The following RAD21 variants were observed in gnomAD, a reference collection of about 807,000 sequenced individuals.
The protein encoded by RAD21 is double-strand-break repair protein rad21 homolog.
RAD21 carries 18 observed loss-of-function variants against 71.5 expected under a neutral mutation model. The observed-to-expected ratio is 0.25, with a 90% confidence interval of 0.17 to 0.37. The LOEUF (loss-of-function observed/expected upper bound fraction) is 0.37, where lower values mean the gene tolerates loss of function less well. RAD21 is among the 10% of genes least tolerant of loss of function. RAD21 has a pLI of 1.00. For synonymous variants in RAD21, 248 were observed against 254.0 expected, an observed-to-expected ratio of 0.98 and a Z score of 0.22; for missense variants, 493 against 769.1, an observed-to-expected ratio of 0.64 and a Z score of 4.25.
At chr8:116,858,042 A>T (rs569070684) in intron 5 of RAD21, among the ~76,000 whole-genome samples, 1 of 152,228 alleles carries the variant, frequency 6.6e-6, no homozygotes, top group Non-Finnish European at 1.5e-5. Context: ...AATAGCAAGT[A>T]TAACAGGGAA....
intron 12 of RAD21, 58 bp from the exon 13 acceptor site, chr8:116,849,087 T>C: frequency 7.8e-7 from 1 of 1,275,624 alleles, no homozygotes; most frequent in Non-Finnish European, 1.1e-6. Context: ...AAATGAAGTA[T>C]TTCTACATCT....
intron 2 of RAD21, among the ~76,000 whole-genome samples, chr8:116,865,325 T>C (rs1210044802): frequency 6.6e-6 from 1 of 152,178 alleles, no homozygotes; most frequent in Admixed American, 6.6e-5. Context: ...GTTATCCTTT[T>C]AAGCCACTCA....
At position 116,846,648 on chromosome 8, in the gene RAD21, G is replaced by A. The variant is rs1000844413; in HGVS notation, c.*852C>T. 1.3e-5 allele frequency: 3 copies of A among 225,668 alleles called. No individual in the cohort carries two copies. Among genetic ancestry groups the A allele is most frequent in the African/African-American group, 4.5e-5 (2 of 44,900 alleles). 14.0% of individuals were successfully genotyped at this position (225,668 alleles called of 1,614,324 possible). ...CATAATTTCCCATCAGTCTGTCCTT[G>A]TAGTAGGCAGGGCAATTTCTGTTTT... is the stretch of plus-strand genomic sequence containing the variant. On this transcript the variant is annotated 3_prime_UTR_variant, in exon 14 of 14. Coordinates refer to ENST00000297338, the MANE Select transcript of RAD21 (RefSeq NM_006265.3).
Position 116,845,982 on chromosome 8 carries a change from A to G in RAD21, c.*1518T>C, listed in dbSNP as rs1812245439. 1 of 229,054 alleles carries G rather than the reference A, an allele frequency of 4.4e-6. No individual in the cohort carries two copies. The highest frequency in any genetic ancestry group is 8.7e-6 in the Non-Finnish European group (1 of 115,280). 14.2% of individuals were successfully genotyped at this position (229,054 alleles called of 1,614,324 possible). On this transcript the variant is annotated 3_prime_UTR_variant, in exon 14 of 14. Transcript: ENST00000297338. Reference sequence around the variant, plus strand: ...TTAGAAAAGTTATACATAACATAGCATCAACTATTTTCAAGAACAATATTA... The same window carrying G: ...TTAGAAAAGTTATACATAACATAGCGTCAACTATTTTCAAGAACAATATTA...
chr8:116,859,062 A>G (rs533735048), intron 4 of RAD21, among the ~76,000 whole-genome samples: 6 of 148,166 alleles, frequency 4.0e-5, no homozygotes, highest in East Asian at 2.1e-4. Flanking sequence ...AACCAGATGC[A>G]GTTTGTAGAC....
intron 10 of RAD21, 101 bp from the exon 11 acceptor site, chr8:116,852,197 G>T: frequency 9.0e-7 from 1 of 1,107,924 alleles, no homozygotes; most frequent in Non-Finnish European, 1.2e-6. Flanking sequence ...CATACATAAT[G>T]CTTTCTTTAA....
intron 9 of RAD21, among the ~76,000 whole-genome samples, chr8:116,853,239 C>T (rs1008720382): frequency 3.9e-5 from 6 of 151,998 alleles, no homozygotes; most frequent in Non-Finnish European, 8.8e-5. Flanking sequence ...CCACCACACA[C>T]GGCTAATTTT....
chr8:116,857,483 TTTTAA>T lies in RAD21; in HGVS notation c.482-15_482-11del, dbSNP rs750504354. 1.9e-5 allele frequency: 30 copies of T among 1,606,712 alleles called. No individual in the cohort carries two copies. The highest frequency in any genetic ancestry group is 1.5e-4 in the South Asian group (14 of 90,690). On this transcript the variant is annotated splice_polypyrimidine_tract_variant and intron_variant, in intron 5 of 13. Coordinates refer to ENST00000297338, the MANE Select transcript of RAD21 (RefSeq NM_006265.3). ...TCCATTCCAAAATCACCTAAACAAA[TTTTAA>T]TTTGTCATTAGTTTAGAAAGATTAG...
chr8:116,858,968 T>C (rs1048643484), intron 4 of RAD21, among the ~76,000 whole-genome samples: 2 of 151,822 alleles, frequency 1.3e-5, no homozygotes, highest in Non-Finnish European at 2.9e-5. Flanking sequence ...TGACCAAGTC[T>C]GTACAAAAAA....
At chr8:116,872,007 C>G (rs762028204) in intron 1 of RAD21, among the ~76,000 whole-genome samples, 1 of 152,178 alleles carries the variant, frequency 6.6e-6, no homozygotes, top group Non-Finnish European at 1.5e-5. Flanking sequence ...AGTCGGTCCT[C>G]CTTATCCATG....
Position 116,849,049 on chromosome 8 carries a change from A to C in RAD21, c.1621-20T>G, listed in dbSNP as rs776174116. The C allele has an allele frequency of 2.6e-6, 4 of 1,541,392 alleles. No homozygotes were observed. Among genetic ancestry groups the C allele is most frequent in the South Asian group, 1.3e-5 (1 of 78,790 alleles). ...TTCATCCTGAATAAAAATGACCCCC[A>C]AAAAGCTGACAAAACAAGTCCAATG... On this transcript the variant is annotated intron_variant, in intron 12 of 13. Transcript: ENST00000297338.
At chr8:116,848,672 T>C (rs1245058957) in intron 13 of RAD21, among the ~76,000 whole-genome samples, 1 of 151,996 alleles carries the variant, frequency 6.6e-6, no homozygotes, top group Non-Finnish European at 1.5e-5. Flanking sequence ...GTTCTGCTTT[T>C]CAGGAAAACC....
chr8:116,871,745 T>A (rs1007499088), intron 1 of RAD21, among the ~76,000 whole-genome samples: 2 of 152,236 alleles, frequency 1.3e-5, no homozygotes, highest in African/African-American at 4.8e-5. Context: ...AAGCACTACG[T>A]GTTTTATGTA....
intron 1 of RAD21, among the ~76,000 whole-genome samples, chr8:116,868,748 AAC>A (rs1185099457): frequency 4.6e-5 from 7 of 152,178 alleles, no homozygotes; most frequent in African/African-American, 1.4e-4. Context: ...TAGCAGAGGA[AAC>A]ACAGTCAATG....
At chr8:116,871,078 T>C (rs542115255) in intron 1 of RAD21, among the ~76,000 whole-genome samples, 4 of 152,142 alleles carry the variant, frequency 2.6e-5, no homozygotes, top group Non-Finnish European at 4.4e-5. Context: ...CTCTAATAAC[T>C]AAAGGAAGCC....
chr8:116,874,069 G>A (rs1422202297), intron 1 of RAD21: 1 of 103,222 alleles, frequency 9.7e-6, no homozygotes, highest in Non-Finnish European at 2.1e-5. Flanking sequence ...CCGACCCCCC[G>A]CCCCACCCCG....
intron 2 of RAD21, among the ~76,000 whole-genome samples, chr8:116,863,993 G>A (rs1456585670): frequency 2.6e-5 from 4 of 151,324 alleles, no homozygotes; most frequent in South Asian, 2.1e-4. Context: ...AAAGCATACC[G>A]ATTTAAAAAA....
chr8:116,850,622 T>A lies in RAD21; in HGVS notation c.1616A>T (p.Glu539Val). The change falls in exon 12 of 14, where the codon GAA (glutamate) becomes GTA (valine). Residue 539 changes from glutamate (E) to valine (V), a missense_variant. Coordinates refer to ENST00000297338, the MANE Select transcript of RAD21 (RefSeq NM_006265.3). ...KEKEKEDDEE[E>V]EDEDASGGDQ... ...GAAAATTATTAATTAGTTTACCTCTTCCTCTTCATCATCTTCTTTTTCCTT... is the reference window on the plus strand; with the variant it reads ...GAAAATTATTAATTAGTTTACCTCTACCTCTTCATCATCTTCTTTTTCCTT... The A allele has an allele frequency of 6.2e-7, 1 of 1,609,426 alleles. No individual in the cohort carries two copies. The highest frequency in any genetic ancestry group is 8.5e-7 in the Non-Finnish European group (1 of 1,176,602).
In RAD21 at chr8:116,858,457, C is replaced by T. The variant is rs764298349; in HGVS notation, c.376G>A (p.Asp126Asn). 5 of 1,608,566 alleles carry T rather than the reference C, an allele frequency of 3.1e-6. No individual in the cohort carries two copies. Among genetic ancestry groups the T allele is most frequent in the Non-Finnish European group, 4.2e-6 (5 of 1,176,652 alleles). Residue 126 changes from aspartate to asparagine, a missense_variant and splice_region_variant, in exon 5 of 14, where the codon GAC becomes AAC. Around this residue, in one of 5 missense-constraint regions of RAD21, gnomAD observed 165 missense variants for 229.6 expected, o/e 0.72. Transcript: ENST00000297338. The stretch of plus-strand genomic sequence containing the variant: ...CTGAACTGCTGGGCCACATCGATGT[C>T]ACTTTAAAAGAAGGTCAAATACATT... ...DFDQPLPDLD[D>N]IDVAQQFSLN...
Sources: allele counts gnomAD v4.1 joint callset (sites outside exome capture counted in the v4.1 genomes callset), GRCh38; gene constraint gnomAD v4.1.1; regional missense constraint gnomAD v4.1.1; transcripts MANE v1.5; gene names NCBI Gene and HGNC (gene_info 2026-07-23, HGNC 2026-07-21).